The following ST3GAL6 variants were observed in gnomAD, a reference collection of about 807,000 sequenced individuals.
ST3GAL6 encodes the protein ST3 beta-galactoside alpha-2,3-sialyltransferase 6.
ST3GAL6 carries 31 observed loss-of-function variants against 40.5 expected under a neutral mutation model. The observed-to-expected ratio is 0.77, with a 90% CI of 0.58 to 1.03. The LOEUF (loss-of-function observed/expected upper bound fraction) is 1.03, where lower values mean the gene tolerates loss of function less well. ST3GAL6 is among the 50% of genes least tolerant of loss of function. The pLI is 0.00. For missense variants in ST3GAL6, 357 were observed against 393.2 expected (o/e 0.91, Z 0.78); for synonymous variants, 129 against 136.9 (o/e 0.94, Z 0.40).
chr3:98,781,906 C>T (rs537935448), intron 5 of ST3GAL6, among the ~76,000 whole-genome samples: 5 of 152,306 alleles, frequency 3.3e-5, no homozygotes, highest in Admixed American at 2.0e-4. Flanking sequence ...GGAGATGGAG[C>T]CAGCTTTAGG....
At chr3:98,785,087 AT>A (rs753958962) in intron 6 of ST3GAL6, 47 bp downstream of exon 6, 96 of 1,397,288 alleles carry the variant, frequency 6.9e-5, no homozygotes, top group Non-Finnish European at 8.5e-5. Flanking sequence ...TCAAAAGAAT[AT>A]GGTTTCTTGC....
chr3:98,770,878 G>A lies in ST3GAL6; in HGVS notation c.90-1G>A, dbSNP rs780849383. ...TGACTGACATTATTTTTGTCTCATA[G>A]GGTGGCACCTGTGGAAATGAAACGG... On this transcript the variant is annotated splice_acceptor_variant, in intron 2 of 9. Transcript: ENST00000483910. LOFTEE classifies it high-confidence loss of function. 5.6e-6 allele frequency: 9 copies of A among 1,613,828 alleles called. No homozygotes were observed. The South Asian group carries it at 9.9e-5, about 18-fold the overall frequency.
In ST3GAL6 at chr3:98,767,202, C is replaced by CT. The variant is rs375807730; in HGVS notation, c.-11-1226dup. Among the ~76,000 whole-genome samples the CT allele has an allele frequency of 4.8e-3, 729 of 152,266 alleles. 6 individuals are homozygous for CT. The highest frequency in any genetic ancestry group is 0.017 in the African/African-American group (700 of 41,550). On this transcript the variant is annotated intron_variant, in intron 1 of 9. Transcript: ENST00000483910. ...AGATAATCATGCCAGTTTAGGACTG[C>CT]TTAGCAAATAGCCCCACACACCCAT...
intron 5 of ST3GAL6, among the ~76,000 whole-genome samples, chr3:98,778,362 GTGGTGTATTTAT>G (rs931146047): frequency 6.6e-6 from 1 of 152,230 alleles, no homozygotes; most frequent in African/African-American, 2.4e-5. Flanking sequence ...TTAGACATTA[GTGGTGTATTTAT>G]TGAAAAAGAG....
upstream of ST3GAL6, chr3:98,763,248 T>A: frequency 2.4e-6 from 3 of 1,240,862 alleles, no homozygotes; most frequent in South Asian, 4.1e-5. Context: ...GACTGCAGAT[T>A]ATAATCACAA....
intron 5 of ST3GAL6, among the ~76,000 whole-genome samples, chr3:98,777,634 T>C (rs1374473426): frequency 3.9e-5 from 6 of 152,260 alleles, no homozygotes; most frequent in African/African-American, 7.2e-5. Flanking sequence ...ATATTCTGCA[T>C]CATTTCCCTG....
chr3:98,766,405 C>CTTTTTATTTTTTTTTT (rs1938334839), intron 1 of ST3GAL6, among the ~76,000 whole-genome samples: 1 of 104,104 alleles, frequency 9.6e-6, no homozygotes, highest in African/African-American at 4.1e-5. Context: ...AAATGTCATT[C>CTTTTTATTTTTTTTTT]TTTTTTTTTT....
At position 98,733,441 on chromosome 3, in the gene ST3GAL6, T is replaced by C. The variant is rs1343181234; in HGVS notation, c.-12+909T>C. ...AGCTCCTCGTTCACTATTGTTTTCT[T>C]GTAAAAGGGTCTGTACGCGAGGAGG... is the stretch of plus-strand genomic sequence containing the variant. On this transcript the variant is annotated intron_variant, in intron 1 of 9. Transcript: ENST00000265261. 3.0e-6 allele frequency: 3 copies of C among 995,536 alleles called. No individual in the cohort carries two copies. The African/African-American group carries it at 5.2e-5, about 17-fold the overall frequency. The allele number at this position is 995,536 out of a possible 1,614,324, so 61.7% of individuals were successfully genotyped here.
intron 1 of ST3GAL6, chr3:98,732,795 G>C (rs375172980): frequency 4.9e-6 from 7 of 1,414,958 alleles, no homozygotes; most frequent in African/African-American, 3.0e-5. Context: ...GGAAGGAATC[G>C]TGCCCGCGCC....
chr3:98,752,849 T>A (rs1937125528), intron 1 of ST3GAL6, among the ~76,000 whole-genome samples: 1 of 152,238 alleles, frequency 6.6e-6, no homozygotes, highest in Admixed American at 6.5e-5. Context: ...GTCAGCGTAA[T>A]CTATAAATGT....
intron 5 of ST3GAL6, chr3:98,782,074 C>T (rs1940183906): frequency 1.7e-6 from 1 of 601,380 alleles, no homozygotes; most frequent in Non-Finnish European, 2.9e-6. Flanking sequence ...TTTGAATATT[C>T]AGCAGCTCCC....
At chr3:98,789,878 G>T (rs1941050774) in intron 8 of ST3GAL6, among the ~76,000 whole-genome samples, 2 of 152,202 alleles carry the variant, frequency 1.3e-5, no homozygotes, top group African/African-American at 4.8e-5. Context: ...ACTAGCTGTA[G>T]CTACATCAAA....
At chr3:98,756,017 A>G (rs1173472641) in intron 1 of ST3GAL6, among the ~76,000 whole-genome samples, 1 of 152,134 alleles carries the variant, frequency 6.6e-6, no homozygotes, top group Admixed American at 6.5e-5. Flanking sequence ...TGCATTTCAA[A>G]ATAAAGCTGC....
intron 1 of ST3GAL6, among the ~76,000 whole-genome samples, chr3:98,748,647 G>T (rs562090204): frequency 6.6e-6 from 1 of 152,000 alleles, no homozygotes; most frequent in African/African-American, 2.4e-5. Flanking sequence ...TGTATTTTTC[G>T]TAGAGACGGG....
chr3:98,741,202 G>T (rs959160678), intron 1 of ST3GAL6, among the ~76,000 whole-genome samples: 2 of 151,974 alleles, frequency 1.3e-5, no homozygotes, highest in Non-Finnish European at 2.9e-5. Context: ...CGTTCTCTCC[G>T]AATGTTCTTG....
At chr3:98,765,494 C>T (rs1938229678) in intron 1 of ST3GAL6, among the ~76,000 whole-genome samples, 1 of 152,152 alleles carries the variant, frequency 6.6e-6, no homozygotes, top group Non-Finnish European at 1.5e-5. Flanking sequence ...TTTTTATGAA[C>T]TTTGATGCTC....
chr3:98,742,630 T>A (rs550516377), intron 1 of ST3GAL6, among the ~76,000 whole-genome samples: 2 of 152,298 alleles, frequency 1.3e-5, no homozygotes, highest in African/African-American at 4.8e-5. Flanking sequence ...CCTATAGAAG[T>A]TGCCAATCTA....
intron 1 of ST3GAL6, among the ~76,000 whole-genome samples, chr3:98,743,878 T>C (rs1348304842): frequency 6.6e-6 from 1 of 151,974 alleles, no homozygotes; most frequent in Non-Finnish European, 1.5e-5. Context: ...AACGAGGGTG[T>C]AATTGGTTCA....
In ST3GAL6 at chr3:98,788,155, T is replaced by C; in HGVS notation, c.551T>C (p.Val184Ala). The C allele has an allele frequency of 6.2e-7, 1 of 1,613,976 alleles. No individual in the cohort carries two copies. The highest frequency in any genetic ancestry group is 8.5e-7 in the Non-Finnish European group (1 of 1,179,940). Residue 184 changes from valine (V) to alanine (A), a missense_variant, in exon 7 of 10, where the codon GTG becomes GCG. Coordinates refer to ENST00000483910, the MANE Select transcript of ST3GAL6 (RefSeq NM_001323368.2). ...ATTCACAATGACCCTAATACGACAG[T>C]GATTCTCACTGCTTTTAAGCCACAT... ...DPIHNDPNTTVILTAFKPHDL... is the reference protein window; with the variant it reads ...DPIHNDPNTTAILTAFKPHDL...
Sources: gnomAD v4.1 joint callset for allele counts (sites outside exome capture counted in the v4.1 genomes callset) on GRCh38, gnomAD v4.1.1 for gene constraint, MANE v1.5 for transcripts, NCBI Gene and HGNC (gene_info 2026-07-23, HGNC 2026-07-21) for gene names.